FLT4: variants seen among roughly 807,000 people sequenced by gnomAD.
FLT4 encodes the protein fms related receptor tyrosine kinase 4.
A neutral mutation model predicts 163.2 loss-of-function variants in FLT4; 30 were observed. The observed-to-expected ratio is 0.18, with a 90% confidence interval of 0.14 to 0.25. The LOEUF is 0.25. FLT4 is among the 10% of genes least tolerant of loss of function. The pLI is 1.00. For synonymous variants in FLT4, 884 were observed against 789.5 expected, an observed-to-expected ratio of 1.12 and a Z score of -2.01; for missense variants, 1,510 against 1,863.8, an observed-to-expected ratio of 0.81 and a Z score of 3.50.
In FLT4 at chr5:180,620,345, C is replaced by A. The variant is rs201060578; in HGVS notation, c.2407-37G>T. The A allele has an allele frequency of 6.8e-6, 11 of 1,607,162 alleles. No homozygotes were observed. In the East Asian group the frequency reaches 2.2e-4, roughly 33 times the overall value. On this transcript the variant is annotated intron_variant, in intron 16 of 29. Coordinates refer to ENST00000261937, the MANE Select transcript of FLT4 (RefSeq NM_182925.5). This position sits in a 1 kb window ranked among gnomAD's most constrained non-coding sequence, Gnocchi z 4.4. ...GGACAGGGAGGAGTGGGGCAGCTCA[C>A]TGATTTGGCCATACCACTGTGGCTT...
upstream of FLT4, among the ~76,000 whole-genome samples, chr5:180,650,256 A>C (rs1765672272): frequency 6.6e-6 from 1 of 150,400 alleles, no homozygotes; most frequent in Non-Finnish European, 1.5e-5. Context: ...CGGAAGCCGC[A>C]CCCGTGAGCG....
rs758916231 is a variant in FLT4 at position 180,630,329 on chromosome 5, G to A, written c.409C>T (p.Gln137Ter). ...SSYVFVRDFE[Q>*]PFINKPDTLL... ...GTGTCAGGCTTGTTGATGAATGGCT[G>A]CTCAAAGTCTATGGAGAGGGAGCAA... The change falls in exon 4 of 30, where the codon CAG (glutamine) becomes TAG (stop). Residue 137 changes from glutamine to a stop codon, truncating the protein, a stop_gained. Transcript: ENST00000261937. LOFTEE classifies it high-confidence loss of function. This position sits in a 1 kb window ranked among gnomAD's most constrained non-coding sequence, Gnocchi z 6.3. The A allele has an allele frequency of 6.2e-7, 1 of 1,609,732 alleles. No individual in the cohort carries two copies.
rs544596619 is a variant in FLT4, at chr5:180,622,932, C to G, written c.1549-93G>C. 3.9e-5 allele frequency: 31 copies of G among 792,560 alleles called. No individual in the cohort carries two copies. In the East Asian group the frequency reaches 5.7e-4, roughly 15 times the overall value. The allele number at this position is 792,560 out of a possible 1,614,324, so 49.1% of individuals were successfully genotyped here. ...GCAAGGAGGTCGCTGTGCACCACCCCCCCCAATCATGGGGGAAACTGAGGC... is the reference window on the plus strand; with the variant it reads ...GCAAGGAGGTCGCTGTGCACCACCCGCCCCAATCATGGGGGAAACTGAGGC... On this transcript the variant is annotated intron_variant, in intron 11 of 29. Coordinates refer to ENST00000261937, the MANE Select transcript of FLT4 (RefSeq NM_182925.5).
intron 1 of FLT4, among the ~76,000 whole-genome samples, chr5:180,639,824 C>T (rs1293476525): frequency 6.6e-6 from 1 of 152,178 alleles, no homozygotes; most frequent in East Asian, 1.9e-4. Context: ...GCTGTCCTTC[C>T]CTTCCCGCAG....
intron 10 of FLT4, among the ~76,000 whole-genome samples, chr5:180,625,113 G>A (rs1763499762): frequency 6.6e-6 from 1 of 152,178 alleles, no homozygotes; most frequent in Non-Finnish European, 1.5e-5. Flanking sequence ...CATCTCCCAT[G>A]TAGGTTCCCA....
intron 6 of FLT4, 80 bp from the exon 7 acceptor site, chr5:180,629,507 A>T: frequency 6.4e-7 from 1 of 1,557,964 alleles, no homozygotes; most frequent in South Asian, 1.1e-5. Flanking sequence ...CTCCCAGCCC[A>T]GCCAGCGGTG....
At chr5:180,640,015 C>T (rs1380449816) in intron 1 of FLT4, among the ~76,000 whole-genome samples, 1 of 152,212 alleles carries the variant, frequency 6.6e-6, no homozygotes, top group African/African-American at 2.4e-5. Context: ...CTCCTCTTCT[C>T]TGTACTGTCA....
chr5:180,636,100 G>A lies in FLT4; in HGVS notation c.59-4322C>T, dbSNP rs569735989. 1.5e-4 allele frequency among the ~76,000 whole-genome samples: 23 copies of A among 152,092 alleles called. No homozygotes were observed. The highest frequency in any genetic ancestry group is 3.4e-4 in the African/African-American group (14 of 41,454). ...GTAGGAGCTTCCTCCTGAAGGCACC[G>A]TGCCACCAAAGGAAGCACCTGCATC... On this transcript the variant is annotated intron_variant, in intron 1 of 29. Coordinates refer to ENST00000261937, the MANE Select transcript of FLT4 (RefSeq NM_182925.5). The surrounding 1 kb of genome is among the most constrained non-coding windows in gnomAD (Gnocchi z 4.3).
In FLT4 at chr5:180,603,224, G is replaced by T. The variant is rs761089407; in HGVS notation, c.4060C>A (p.Arg1354Ser). 2 of 1,613,946 alleles carry T rather than the reference G, an allele frequency of 1.2e-6. No individual in the cohort carries two copies. The highest frequency in any genetic ancestry group is 8.5e-7 in the Non-Finnish European group (1 of 1,180,040). The change falls in exon 30 of 30, where the codon CGC becomes AGC. Residue 1354 changes from arginine to serine, a missense_variant. Transcript: ENST00000261937. ...CTGTTGTCTGTGAAGAAAGTCACGCGGGCAGACGGGGAGCAGTGGTCCTCC... is the reference window on the plus strand; with the variant it reads ...CTGTTGTCTGTGAAGAAAGTCACGCTGGCAGACGGGGAGCAGTGGTCCTCC... ...SEEDHCSPSA[R>S]VTFFTDNSY
intron 22 of FLT4, 120 bp from the exon 23 acceptor site, chr5:180,616,609 C>T: frequency 8.9e-7 from 1 of 1,126,572 alleles, no homozygotes; most frequent in African/African-American, 1.5e-5. Flanking sequence ...CTGAACTGTG[C>T]TCCTTTGGGG....
chr5:180,631,701 T>C lies in FLT4; in HGVS notation c.136A>G (p.Ser46Gly). The C allele has an allele frequency of 2.5e-6, 4 of 1,609,904 alleles. No individual in the cohort carries two copies. Among genetic ancestry groups the C allele is most frequent in the Non-Finnish European group, 3.4e-6 (4 of 1,179,338 alleles). Residue 46 changes from serine (S) to glycine (G), a missense_variant, in exon 2 of 30, where the codon AGC (serine) becomes GGC (glycine). By Grantham distance (56) the Ser-to-Gly change is moderately conservative. This residue lies in a region of FLT4 where 157 missense variants were observed against 178.7 expected (regional missense o/e 0.88). Transcript: ENST00000261937. ...CAGTACCTGCAGGAGATGGACAGGC[T>C]GTCACCGGTGTCGATGACGTGTGAC... ...EESHVIDTGD[S>G]LSISCRGQHP...
intron 23 of FLT4, among the ~76,000 whole-genome samples, chr5:180,615,156 T>C (rs1762547984): frequency 6.8e-6 from 1 of 147,748 alleles, no homozygotes; most frequent in Non-Finnish European, 1.5e-5. Context: ...GCCCCGCTGG[T>C]CACCTCCCTT....
rs146602929 is a variant in FLT4, at chr5:180,621,003, G to C, written c.2172C>G (p.Val724=). The change falls in exon 15 of 30, where the codon GTC becomes GTG. Residue 724 remains valine (V), a synonymous_variant. Coordinates refer to ENST00000261937, the MANE Select transcript of FLT4 (RefSeq NM_182925.5). ...DERLLEEKSG[V]DLADSNQKLS... is the part of the protein sequence containing the mutation. The stretch of plus-strand genomic sequence containing the variant: ...GCTTCTGGTTGGAGTCCGCCAAGTC[G>C]ACTCCTGCAGGGGGTGGGGTGGAGG... 8.8e-5 allele frequency: 141 copies of C among 1,611,332 alleles called. No individual in the cohort carries two copies. In the African/African-American group the frequency reaches 1.8e-3, roughly 20 times the overall value.
At position 180,613,060 on chromosome 5, in the gene FLT4, G is replaced by A; in HGVS notation, c.3382C>T (p.Leu1128=). 2 of 1,613,724 alleles carry A rather than the reference G, an allele frequency of 1.2e-6. No individual in the cohort carries two copies. Among genetic ancestry groups the A allele is most frequent in the Non-Finnish European group, 1.7e-6 (2 of 1,179,778 alleles). Residue 1128 remains leucine, a synonymous_variant, in exon 25 of 30, where the codon CTG becomes TTG. Coordinates refer to ENST00000261937, the MANE Select transcript of FLT4 (RefSeq NM_182925.5). Reference sequence around the variant, plus strand: ...GCCCTCATCCTTGTGCCGTCTCTCAGCCGCTGGCAGAACTCCTCATTGATC... The same window carrying A: ...GCCCTCATCCTTGTGCCGTCTCTCAACCGCTGGCAGAACTCCTCATTGATC... ...VQINEEFCQR[L]RDGTRMRAPE...
chr5:180,627,897 T>C (rs1293534836), intron 8 of FLT4, among the ~76,000 whole-genome samples: 1 of 152,158 alleles, frequency 6.6e-6, no homozygotes, highest in Non-Finnish European at 1.5e-5. Context: ...GTGCCTTGGA[T>C]GGACACCGAA....
chr5:180,609,580 T>A (rs776805485), intron 28 of FLT4: 1 of 394,986 alleles, frequency 2.5e-6, no homozygotes, highest in Non-Finnish European at 4.8e-6. Context: ...AGGGCTCCCA[T>A]GGGGCCCCTC....
At chr5:180,645,278 G>A (rs746967944) in intron 1 of FLT4, among the ~76,000 whole-genome samples, 5 of 152,248 alleles carry the variant, frequency 3.3e-5, no homozygotes, top group Non-Finnish European at 7.3e-5. Flanking sequence ...AGTGCCCCGT[G>A]GGGGTGGAGA....
At chr5:180,607,915 G>C in intron 29 of FLT4, 1 of 597,672 alleles carries the variant, frequency 1.7e-6, no homozygotes, top group Non-Finnish European at 3.0e-6. Context: ...AGGGCCGCTT[G>C]AGGGCTCTTT....
At chr5:180,604,474 C>T (rs2127782968) in intron 29 of FLT4, among the ~76,000 whole-genome samples, 1 of 152,304 alleles carries the variant, frequency 6.6e-6, no homozygotes, top group Middle Eastern at 3.4e-3. Flanking sequence ...CTGTGTGCTT[C>T]CACCCTGGCC....
Sources: allele counts gnomAD v4.1 joint callset (sites outside exome capture counted in the v4.1 genomes callset), GRCh38; gene constraint gnomAD v4.1.1; regional missense constraint gnomAD v4.1.1; non-coding constraint Gnocchi (gnomAD v3.1); transcripts MANE v1.5; gene names NCBI Gene and HGNC (gene_info 2026-07-23, HGNC 2026-07-21).